Variants in NRXN3 observed in about 807,000 individuals in gnomAD.
The protein encoded by NRXN3 is neurexin III.
NRXN3 carries 32 observed loss-of-function variants against 137.6 expected under a neutral mutation model. The ratio of observed to expected loss-of-function variants is 0.23; its 90% CI spans 0.18 to 0.31. The LOEUF is 0.31. Ranked by LOEUF, NRXN3 falls within the 10% of genes least tolerant of loss-of-function variation. The pLI is 1.00. For missense variants in NRXN3, 1,574 were observed against 2,062.5 expected, an observed-to-expected ratio of 0.76 and a Z score of 4.59; for synonymous variants, 798 against 784.5, an observed-to-expected ratio of 1.02 and a Z score of -0.29.
Position 79,862,238 on chromosome 14 carries a change from T to G in NRXN3, c.*274T>G. On this transcript the variant is annotated 3_prime_UTR_variant, in exon 21 of 21. Transcript: ENST00000335750. ...CCTGCTGTATCATAAAGCACACACT[T>G]AGCGCTCTGGAGCCGGACGGTGGCT... The G allele has an allele frequency of 9.5e-6, 3 of 315,896 alleles. No homozygotes were observed. The highest frequency in any genetic ancestry group is 1.2e-5 in the Non-Finnish European group (2 of 168,766). The allele number at this position is 315,896 out of a possible 1,614,324, so 19.6% of individuals were successfully genotyped here. A position where few individuals can be genotyped will look rare whatever the true frequency, so the allele number is the denominator to read the frequency against.
intron 2 of NRXN3, among the ~76,000 whole-genome samples, chr14:78,247,138 C>T (rs2067813006): frequency 6.6e-6 from 1 of 152,218 alleles, no homozygotes; most frequent in African/African-American, 2.4e-5. Flanking sequence ...TCCAGCCCCC[C>T]TGCGGTGTTG....
intron 10 of NRXN3, among the ~76,000 whole-genome samples, chr14:78,822,851 G>A (rs1193306061): frequency 2.6e-5 from 4 of 152,138 alleles, no homozygotes; most frequent in African/African-American, 9.7e-5. Flanking sequence ...ATGCTGAAGT[G>A]TTAATGCCTA....
intron 20 of NRXN3, among the ~76,000 whole-genome samples, chr14:79,813,761 C>G (rs1175606840): frequency 6.6e-6 from 1 of 152,102 alleles, no homozygotes; most frequent in Admixed American, 6.5e-5. Flanking sequence ...TGATTTACCC[C>G]CATATCTGCA....
intron 7 of NRXN3, among the ~76,000 whole-genome samples, chr14:78,713,747 A>G (rs1411958826): frequency 6.6e-6 from 1 of 152,198 alleles, no homozygotes; most frequent in African/African-American, 2.4e-5. Context: ...GAGAGAGAGA[A>G]GTGCAGTGCC....
intron 4 of NRXN3, among the ~76,000 whole-genome samples, chr14:78,388,109 T>C (rs776653746): frequency 1.1e-4 from 16 of 152,206 alleles, no homozygotes; most frequent in Non-Finnish European, 8.8e-5. Flanking sequence ...TGTGACCTCA[T>C]TGAATAATTG....
chr14:78,447,864 C>G (rs1346304803), intron 4 of NRXN3, among the ~76,000 whole-genome samples: 3 of 152,172 alleles, frequency 2.0e-5, no homozygotes, highest in African/African-American at 7.2e-5. Context: ...CATAATATCT[C>G]CATATGGGAT....
intron 2 of NRXN3, among the ~76,000 whole-genome samples, chr14:78,247,066 G>A (rs1232520738): frequency 2.0e-5 from 3 of 152,196 alleles, no homozygotes; most frequent in Non-Finnish European, 4.4e-5. Flanking sequence ...AGCTGCGAGG[G>A]CCTCTGCAGC....
At chr14:78,290,489 C>A (rs2075691001) in intron 3 of NRXN3, among the ~76,000 whole-genome samples, 1 of 152,044 alleles carries the variant, frequency 6.6e-6, no homozygotes. Flanking sequence ...TGGTCTGAGA[C>A]AAAATTATGG....
chr14:79,627,026 T>A (rs181503071), intron 16 of NRXN3, among the ~76,000 whole-genome samples: 1 of 152,220 alleles, frequency 6.6e-6, no homozygotes. Flanking sequence ...AAATCCTCTA[T>A]CAATATGACA....
At chr14:79,393,802 C>T (rs1032678114) in intron 15 of NRXN3, among the ~76,000 whole-genome samples, 9 of 151,872 alleles carry the variant, frequency 5.9e-5, no homozygotes, top group South Asian at 2.1e-4. Flanking sequence ...GGTGACAGGG[C>T]GAGACTGTCT....
intron 2 of NRXN3, among the ~76,000 whole-genome samples, chr14:78,260,493 A>G (rs1195814172): frequency 1.3e-5 from 2 of 152,114 alleles, no homozygotes; most frequent in Non-Finnish European, 2.9e-5. Flanking sequence ...TTTTAATTTC[A>G]TCCAAGTTGA....
At chr14:79,486,930 T>TCTCC (rs1601027879) in intron 16 of NRXN3, among the ~76,000 whole-genome samples, 4 of 66,582 alleles carry the variant, frequency 6.0e-5, no homozygotes, top group East Asian at 2.9e-4. Context: ...TCTCTCTCTC[T>TCTCC]CTCTCTCTCT....
chr14:79,114,134 G>A (rs2053998549), intron 15 of NRXN3, among the ~76,000 whole-genome samples: 1 of 152,216 alleles, frequency 6.6e-6, no homozygotes, highest in South Asian at 2.1e-4. Context: ...AATGTCTGGA[G>A]ATGTGTTTAG....
intron 16 of NRXN3, among the ~76,000 whole-genome samples, chr14:79,629,802 TGTGTGTATGTGC>T (rs1464300405): frequency 8.1e-5 from 12 of 148,690 alleles, no homozygotes; most frequent in African/African-American, 2.0e-4. Flanking sequence ...ATGTTTTGTG[TGTGTGTATGTGC>T]GTGTGTGTGT....
At chr14:79,161,086 G>A (rs1455154317) in intron 15 of NRXN3, among the ~76,000 whole-genome samples, 1 of 151,936 alleles carries the variant, frequency 6.6e-6, no homozygotes, top group East Asian at 1.9e-4. Flanking sequence ...CTTACTAAAT[G>A]TGTAATTCTT....
intron 5 of NRXN3, among the ~76,000 whole-genome samples, chr14:78,649,104 C>CT (rs1262482389): frequency 1.3e-5 from 2 of 151,744 alleles, no homozygotes; most frequent in East Asian, 1.9e-4. Context: ...TGTCGGGTGC[C>CT]TTTTTTTTGA....
At chr14:79,284,703 G>C (rs897748043) in intron 15 of NRXN3, among the ~76,000 whole-genome samples, 4 of 152,072 alleles carry the variant, frequency 2.6e-5, no homozygotes, top group African/African-American at 9.7e-5. Context: ...GCCCCCTTGT[G>C]ACACATGATC....
chr14:78,845,905 GGTGTGTGT>G (rs3034390), intron 10 of NRXN3, among the ~76,000 whole-genome samples: 8 of 146,236 alleles, frequency 5.5e-5, no homozygotes, highest in African/African-American at 1.0e-4. Context: ...AGTATGTTGG[GGTGTGTGT>G]GTGTGTGTGT....
At chr14:78,618,941 AT>A (rs2097372048) in intron 4 of NRXN3, among the ~76,000 whole-genome samples, 1 of 152,210 alleles carries the variant, frequency 6.6e-6, no homozygotes, top group Non-Finnish European at 1.5e-5. Flanking sequence ...TTGTCCTCTG[AT>A]TATTCCTGTG....
Sources: allele counts gnomAD v4.1 joint callset (sites outside exome capture counted in the v4.1 genomes callset), GRCh38; gene constraint gnomAD v4.1.1; transcripts MANE v1.5; gene names NCBI Gene and HGNC (gene_info 2026-07-23, HGNC 2026-07-21).